The following POLQ variants were observed in gnomAD, a reference collection of about 807,000 sequenced individuals.
POLQ encodes the protein DNA polymerase theta, also known as epididymis secretory sperm binding protein.
In POLQ, 233 loss-of-function variants were observed where a neutral mutation model predicts 259.2. The ratio of observed to expected loss-of-function variants is 0.90; its 90% CI spans 0.81 to 1.00. POLQ has a LOEUF of 1.00. Ranked by LOEUF, POLQ falls within the 50% of genes least tolerant of loss-of-function variation. The pLI is 0.00. For missense variants in POLQ, 2,871 were observed against 3,051.6 expected (o/e 0.94, Z 1.39); for synonymous variants, 1,025 against 1,048.8 (o/e 0.98, Z 0.44).
At chr3:121,512,515 T>G (rs1443839221) in intron 9 of POLQ, among the ~76,000 whole-genome samples, 1 of 152,228 alleles carries the variant, frequency 6.6e-6, no homozygotes, top group Non-Finnish European at 1.5e-5. Flanking sequence ...CCCAGATACC[T>G]TTTCCTTTTT....
At chr3:121,497,004 T>A (rs1363797493) in intron 13 of POLQ, 72 bp from the exon 14 acceptor site, 1 of 1,521,010 alleles carries the variant, frequency 6.6e-7, no homozygotes, top group Non-Finnish European at 9.0e-7. Flanking sequence ...TGTTGAAAAA[T>A]GACTAAGAAC....
intron 9 of POLQ, among the ~76,000 whole-genome samples, chr3:121,515,644 C>T (rs73193640): frequency 0.036 from 5,507 of 152,296 alleles, 152 homozygotes; most frequent in Middle Eastern, 0.082. Context: ...GGGCTGCTGC[C>T]AGTTGGCCTA....
intron 6 of POLQ, among the ~76,000 whole-genome samples, chr3:121,532,401 C>A (rs2048417412): frequency 6.6e-6 from 1 of 152,122 alleles, no homozygotes; most frequent in South Asian, 2.1e-4. Flanking sequence ...GAAAACGCTA[C>A]AAGATCAGTT....
rs1202223580 is a variant in POLQ, at chr3:121,455,435, A to G, written c.7152+4615T>C. ...CAAAAAACCCTTCAAAAAATTAATGAATCCAGGAGCTGGTTTTTTGAAAGG... is the reference window on the plus strand; with the variant it reads ...CAAAAAACCCTTCAAAAAATTAATGGATCCAGGAGCTGGTTTTTTGAAAGG... On this transcript the variant is annotated intron_variant, in intron 25 of 29. Transcript: ENST00000264233. 1.9e-4 allele frequency among the ~76,000 whole-genome samples: 28 copies of G among 150,318 alleles called. 1 individual carries two copies. The highest frequency in any genetic ancestry group is 4.6e-4 in the African/African-American group (19 of 40,972).
intron 9 of POLQ, among the ~76,000 whole-genome samples, chr3:121,516,888 T>A (rs1411998774): frequency 6.6e-6 from 1 of 152,214 alleles, no homozygotes; most frequent in East Asian, 1.9e-4. Context: ...TACAATGATA[T>A]GCAAGATCAA....
At chr3:121,500,118 A>T (rs2048155303) in intron 12 of POLQ, among the ~76,000 whole-genome samples, 1 of 151,874 alleles carries the variant, frequency 6.6e-6, no homozygotes, top group Non-Finnish European at 1.5e-5. Context: ...CTGTCTCTAC[A>T]AAAAAATACA....
Position 121,519,937 on chromosome 3 carries a change from G to T in POLQ, c.1402C>A (p.Pro468Thr). 6.2e-7 allele frequency: 1 copy of T among 1,611,612 alleles called. No homozygotes were observed. Among genetic ancestry groups the T allele is most frequent in the Non-Finnish European group, 8.5e-7 (1 of 1,177,926 alleles). ...TGCTTATAAGTAAGAATATCTAGAGGTCGACCACCAAAAATAGGGGTTCGA... is the reference window on the plus strand; with the variant it reads ...TGCTTATAAGTAAGAATATCTAGAGTTCGACCACCAAAAATAGGGGTTCGA... ...IIRTPIFGGR[P>T]LDILTYKQMV... The change falls in exon 9 of 30, where the codon CCT becomes ACT. Residue 468 changes from proline (P) to threonine (T), a missense_variant. By Grantham distance (38) the Pro-to-Thr change is conservative. This residue lies in a region of POLQ where 783 missense variants were observed against 906.2 expected (regional missense o/e 0.86). Coordinates refer to ENST00000264233, the MANE Select transcript of POLQ (RefSeq NM_199420.4).
chr3:121,472,063 C>T lies in POLQ; in HGVS notation c.6645G>A (p.Gln2215=). 1 of 1,587,834 alleles carries T rather than the reference C, an allele frequency of 6.3e-7. No homozygotes were observed. The highest frequency in any genetic ancestry group is 2.2e-5 in the East Asian group (1 of 44,610). Residue 2215 remains glutamine, a synonymous_variant, in exon 22 of 30, where the codon CAG becomes CAA. Coordinates refer to ENST00000264233, the MANE Select transcript of POLQ (RefSeq NM_199420.4). ...NAITKVVFPL[Q]REKCLNPFLG... ...GAAAAGGATTAAGACACTTTTCCCGCTGAAGGGGAAAGACCACTTTGGTAA... is the reference window on the plus strand; with the variant it reads ...GAAAAGGATTAAGACACTTTTCCCGTTGAAGGGGAAAGACCACTTTGGTAA...
intron 6 of POLQ, among the ~76,000 whole-genome samples, chr3:121,532,781 C>T (rs2048420858): frequency 6.6e-6 from 1 of 152,200 alleles, no homozygotes; most frequent in Admixed American, 6.5e-5. Context: ...GATCCACCCG[C>T]CTTGGCCTCC....
chr3:121,519,544 C>T (rs1405511838), intron 9 of POLQ, among the ~76,000 whole-genome samples: 1 of 150,256 alleles, frequency 6.7e-6, no homozygotes, highest in African/African-American at 2.4e-5. Context: ...GGCATGGTGG[C>T]AGGCGCCTGT....
chr3:121,473,586 C>A (rs2047903012), intron 20 of POLQ, 99 bp from the exon 21 acceptor site: 1 of 1,006,122 alleles, frequency 9.9e-7, no homozygotes, highest in Non-Finnish European at 1.5e-6. Context: ...CTCTACAGTT[C>A]AACATGGATT....
intron 9 of POLQ, among the ~76,000 whole-genome samples, chr3:121,514,361 CA>C (rs76640182): frequency 0.02 from 1,719 of 85,258 alleles, 41 homozygotes; most frequent in African/African-American, 0.059. Context: ...CAACAATAAC[CA>C]AAAAAAAAAA....
chr3:121,460,647 C>A (rs1425183524), intron 24 of POLQ, among the ~76,000 whole-genome samples: 2 of 152,162 alleles, frequency 1.3e-5, no homozygotes. Context: ...AGGCCCTTAA[C>A]AAATGCTTGT....
At position 121,541,452 on chromosome 3, in the gene POLQ, A is replaced by C; in HGVS notation, c.371T>G (p.Val124Gly). ...CCGCTTCAAAATAAGTAATTCTGCC[A>C]CAAGAGTCTTCCCAGCACTTGTAGG... is the stretch of plus-strand genomic sequence containing the variant. ...SAPTSAGKTL[V>G]AELLILKRVL... Residue 124 changes from valine to glycine, a missense_variant, in exon 3 of 30, where the codon GTG becomes GGG. Transcript: ENST00000264233. 4.3e-6 allele frequency: 7 copies of C among 1,610,602 alleles called. No homozygotes were observed. Among genetic ancestry groups the C allele is most frequent in the Non-Finnish European group, 5.1e-6 (6 of 1,178,454 alleles).
At chr3:121,463,930 A>G (rs2047814284) in intron 24 of POLQ, among the ~76,000 whole-genome samples, 1 of 152,188 alleles carries the variant, frequency 6.6e-6, no homozygotes, top group African/African-American at 2.4e-5. Flanking sequence ...GTCATCACCA[A>G]CTTAAGAACT....
intron 7 of POLQ, among the ~76,000 whole-genome samples, 190 bp from the exon 8 acceptor site, chr3:121,522,339 C>G (rs1429684543): frequency 2.3e-5 from 2 of 85,510 alleles, no homozygotes; most frequent in Non-Finnish European, 4.3e-5. Flanking sequence ...GAGTCTCGCT[C>G]TGTCGCCCAG....
intron 26 of POLQ, among the ~76,000 whole-genome samples, chr3:121,445,356 G>A (rs2047624018): frequency 6.6e-6 from 1 of 152,008 alleles, no homozygotes; most frequent in South Asian, 2.1e-4. Context: ...GTTCAATCTT[G>A]GCAGGTTGTA....
At chr3:121,450,355 GCT>G (rs1402290775) in intron 25 of POLQ, among the ~76,000 whole-genome samples, 4 of 150,554 alleles carry the variant, frequency 2.7e-5, no homozygotes, top group Non-Finnish European at 5.9e-5. Flanking sequence ...TTATTTTTTC[GCT>G]TTTTTATTAT....
chr3:121,487,475 G>C lies in POLQ; in HGVS notation c.5456C>G (p.Ser1819Ter). 2.5e-6 allele frequency: 4 copies of C among 1,614,058 alleles called. No homozygotes were observed. The highest frequency in any genetic ancestry group is 2.5e-6 in the Non-Finnish European group (3 of 1,179,976). The stretch of plus-strand genomic sequence containing the variant: ...TATGGACAAACTTTCTGAACTGCTT[G>C]AGGCTGGAGTTAACTGTAATCCATC... Reference protein sequence around the residue: ...SQDGLQLTPASSSSESLSIID... With the variant: ...SQDGLQLTPA Residue 1819 changes from serine (S) to a stop codon, truncating the protein, a stop_gained, in exon 16 of 30, where the codon TCA becomes TGA. Coordinates refer to ENST00000264233, the MANE Select transcript of POLQ (RefSeq NM_199420.4). LOFTEE classifies it high-confidence loss of function.
Sources: allele counts gnomAD v4.1 joint callset (sites outside exome capture counted in the v4.1 genomes callset), GRCh38; gene constraint gnomAD v4.1.1; regional missense constraint gnomAD v4.1.1; transcripts MANE v1.5; gene names NCBI Gene and HGNC (gene_info 2026-07-23, HGNC 2026-07-21).